ERBB4: variants seen among roughly 807,000 people sequenced by gnomAD.
The protein encoded by ERBB4 is erb-b2 receptor tyrosine kinase 4.
Under a neutral mutation model 158.0 loss-of-function variants are expected in ERBB4, and 42 were observed. That is an observed-to-expected ratio of 0.27 (90% CI 0.21 to 0.34). The LOEUF (loss-of-function observed/expected upper bound fraction) is 0.34. Ranked by LOEUF, ERBB4 falls within the 10% of genes least tolerant of loss-of-function variation. ERBB4 has a pLI of 1.00. For missense variants in ERBB4, 1,333 were observed against 1,624.1 expected (o/e 0.82, Z 3.08); for synonymous variants, 583 against 558.7 (o/e 1.04, Z -0.61).
At chr2:211,426,750 A>C (rs1251685935) in intron 22 of ERBB4, among the ~76,000 whole-genome samples, 2 of 151,846 alleles carry the variant, frequency 1.3e-5, no homozygotes, top group Non-Finnish European at 2.9e-5. Flanking sequence ...TATTTGATTC[A>C]GGGAACTGTA....
chr2:211,772,967 A>T lies in ERBB4; in HGVS notation c.556+15058T>A, dbSNP rs868801274. Among the ~76,000 whole-genome samples the T allele has an allele frequency of 5.5e-3, 357 of 65,070 alleles. 4 individuals are homozygous for T. Among genetic ancestry groups the T allele is most frequent in the Middle Eastern group, 0.033 (3 of 92 alleles). The allele number at this position is 65,070 out of a possible 152,430, so 42.7% of individuals were successfully genotyped here. ...TATATATATATATATTTTTTTTTTTAAAGATGGGGTCCTACTCTGTTGCCC... is the reference window on the plus strand; with the variant it reads ...TATATATATATATATTTTTTTTTTTTAAGATGGGGTCCTACTCTGTTGCCC... On this transcript the variant is annotated intron_variant, in intron 4 of 27. Transcript: ENST00000342788.
intron 19 of ERBB4, among the ~76,000 whole-genome samples, chr2:211,567,237 C>G (rs972737396): frequency 1.3e-5 from 2 of 152,054 alleles, no homozygotes; most frequent in South Asian, 2.1e-4. Flanking sequence ...TGTACTGTTA[C>G]GACAGTAGAA....
chr2:212,210,707 T>C (rs1030686256), intron 1 of ERBB4, among the ~76,000 whole-genome samples: 1 of 152,050 alleles, frequency 6.6e-6, no homozygotes, highest in African/African-American at 2.4e-5. Flanking sequence ...ATAATGGATA[T>C]TTTGATTAAA....
chr2:211,673,332 A>C (rs1407747654), intron 13 of ERBB4, 75 bp from the exon 14 acceptor site: 1 of 1,033,394 alleles, frequency 9.7e-7, no homozygotes, highest in African/African-American at 1.6e-5. Flanking sequence ...ACATCTGCTA[A>C]AAGTCCTATT....
At chr2:211,756,985 G>C (rs1377363066) in intron 4 of ERBB4, among the ~76,000 whole-genome samples, 1 of 152,112 alleles carries the variant, frequency 6.6e-6, no homozygotes, top group Non-Finnish European at 1.5e-5. Context: ...ATATAGCTTT[G>C]TTTTTCACAT....
chr2:211,640,721 C>A (rs1405627344), intron 16 of ERBB4, among the ~76,000 whole-genome samples: 1 of 152,028 alleles, frequency 6.6e-6, no homozygotes, highest in Non-Finnish European at 1.5e-5. Flanking sequence ...AAAAGATATG[C>A]AAGAAAATTA....
At chr2:211,399,899 C>T (rs1352659472) in intron 25 of ERBB4, among the ~76,000 whole-genome samples, 1 of 152,092 alleles carries the variant, frequency 6.6e-6, no homozygotes, top group Non-Finnish European at 1.5e-5. Context: ...TGTATCCTTT[C>T]TCTACAAGTG....
At chr2:211,742,595 G>GC (rs2074834115) in intron 5 of ERBB4, among the ~76,000 whole-genome samples, 1 of 151,406 alleles carries the variant, frequency 6.6e-6, no homozygotes, top group Non-Finnish European at 1.5e-5. Context: ...CTAAGGTTTT[G>GC]TTTTTTTCCC....
At chr2:211,978,656 AG>A (rs2081701866) in intron 2 of ERBB4, among the ~76,000 whole-genome samples, 1 of 152,182 alleles carries the variant, frequency 6.6e-6, no homozygotes, top group African/African-American at 2.4e-5. Flanking sequence ...TATATGGTTA[AG>A]AAACACTGTG....
At chr2:211,716,714 A>AC (rs2073927929) in intron 7 of ERBB4, among the ~76,000 whole-genome samples, 2 of 95,756 alleles carry the variant, frequency 2.1e-5, no homozygotes, top group Admixed American at 2.2e-4. Flanking sequence ...ACAAAACAAA[A>AC]AAAAACAAAA....
chr2:211,653,498 G>A (rs1047977905), intron 16 of ERBB4, among the ~76,000 whole-genome samples: 5 of 11,066 alleles, frequency 4.5e-4, no homozygotes, highest in African/African-American at 7.2e-4. Context: ...CGCCCGCCCC[G>A]CTGGTTTGGG....
intron 20 of ERBB4, among the ~76,000 whole-genome samples, chr2:211,446,789 TA>T (rs145302782): frequency 0.1 from 15,670 of 152,120 alleles, 916 homozygotes; most frequent in Middle Eastern, 0.17. Context: ...TAAAGCAAAC[TA>T]AAAAGGTAGT....
intron 4 of ERBB4, among the ~76,000 whole-genome samples, chr2:211,759,356 C>T (rs572205578): frequency 9.9e-5 from 15 of 152,106 alleles, no homozygotes; most frequent in Non-Finnish European, 1.5e-4. Flanking sequence ...TTAGCCAGAG[C>T]GATCTTTTTA....
chr2:212,281,017 T>A (rs1413132244), intron 1 of ERBB4, among the ~76,000 whole-genome samples: 1 of 151,568 alleles, frequency 6.6e-6, no homozygotes, highest in African/African-American at 2.4e-5. Context: ...GATAAGAAAA[T>A]TTTTTTTGTA....
chr2:211,558,361 C>A (rs542854944), intron 20 of ERBB4, among the ~76,000 whole-genome samples: 1 of 152,280 alleles, frequency 6.6e-6, no homozygotes, highest in Admixed American at 6.5e-5. Flanking sequence ...TCTTCTGTCT[C>A]CTGCTCTGAT....
At chr2:211,630,436 A>G (rs1195609368) in intron 17 of ERBB4, 26 bp downstream of exon 17, 1 of 1,612,588 alleles carries the variant, frequency 6.2e-7, no homozygotes, top group Non-Finnish European at 8.5e-7. Flanking sequence ...CCCCAAACAC[A>G]TGAAGAGGAG....
At chr2:212,524,595 G>A (rs1428863966) in intron 1 of ERBB4, among the ~76,000 whole-genome samples, 1 of 151,898 alleles carries the variant, frequency 6.6e-6, no homozygotes, top group African/African-American at 2.4e-5. Flanking sequence ...AAATTACATG[G>A]GTGATTTTCT....
At chr2:211,812,318 C>T (rs960482591) in intron 3 of ERBB4, among the ~76,000 whole-genome samples, 6 of 152,210 alleles carry the variant, frequency 3.9e-5, no homozygotes, top group Non-Finnish European at 7.3e-5. Flanking sequence ...AGGTCCACTC[C>T]AGACTCTGTT....
intron 2 of ERBB4, among the ~76,000 whole-genome samples, chr2:212,060,497 A>C (rs533404147): frequency 1.3e-5 from 2 of 150,892 alleles, no homozygotes; most frequent in East Asian, 4.0e-4. Context: ...GCTGCTATAA[A>C]GACACATGCA....
Sources: allele counts gnomAD v4.1 joint callset (sites outside exome capture counted in the v4.1 genomes callset), GRCh38; gene constraint gnomAD v4.1.1; transcripts MANE v1.5; gene names NCBI Gene and HGNC (gene_info 2026-07-23, HGNC 2026-07-21).